FAM83F: variants seen among roughly 807,000 people sequenced by gnomAD.
FAM83F encodes scaffolding CK1 anchoring protein F.
Under a neutral mutation model 42.9 loss-of-function variants are expected in FAM83F, and 45 were observed. That is an observed-to-expected ratio of 1.05 (90% CI 0.83 to 1.35). The LOEUF (loss-of-function observed/expected upper bound fraction) is 1.35. Among genes scored for constraint, FAM83F ranks in the 40% most tolerant of loss-of-function variants. The pLI is 0.00. For synonymous variants in FAM83F, 306 were observed against 298.3 expected (o/e 1.03, Z -0.27); for missense variants, 617 against 695.9 (o/e 0.89, Z 1.28).
chr22:40,024,508 G>T (rs534312972), intron 4 of FAM83F, among the ~76,000 whole-genome samples: 1 of 152,348 alleles, frequency 6.6e-6, no homozygotes, highest in Non-Finnish European at 1.5e-5. Context: ...TGCAGGGAAA[G>T]TGTCCCCTTC....
chr22:39,995,225 C>A lies in FAM83F; in HGVS notation c.183C>A (p.Ser61Arg), dbSNP rs1394543944. 4 of 1,532,970 alleles carry A rather than the reference C, an allele frequency of 2.6e-6. No homozygotes were observed. The highest frequency in any genetic ancestry group is 3.5e-6 in the Non-Finnish European group (4 of 1,145,358). The allele number at this position is 1,532,970 out of a possible 1,614,324, so 95.0% of individuals were successfully genotyped here. A position where few individuals can be genotyped will look rare whatever the true frequency, so the allele number is the denominator to read the frequency against. ...KEEQLRDFLSSPERQALRAAW... is the reference protein window; with the variant it reads ...KEEQLRDFLSRPERQALRAAW... ...AGCAGCTGCGGGACTTCCTCTCCAG[C>A]CCGGAGCGCCAGGCCCTGCGGGCCG... The change falls in exon 1 of 5, where the codon AGC becomes AGA. Residue 61 changes from serine to arginine, a missense_variant. Physicochemically the swap from Ser to Arg is moderately radical, Grantham distance 110. Coordinates refer to ENST00000333407, the MANE Select transcript of FAM83F (RefSeq NM_138435.4). The surrounding 1 kb of genome is among the most constrained non-coding windows in gnomAD (Gnocchi z 4.6).
Position 40,034,937 on chromosome 22 carries a change from G to T in FAM83F, c.*5372G>T, listed in dbSNP as rs1259137294. On this transcript the variant is annotated 3_prime_UTR_variant, in exon 5 of 5. Transcript: ENST00000333407. The stretch of plus-strand genomic sequence containing the variant: ...CTAAGTGCATGGTCTTCATCTCCTG[G>T]GTGGTCCAGACTAGGTGGCACTGGG... 1 of 152,150 alleles carries T rather than the reference G, an allele frequency of 6.6e-6. No homozygotes were observed. The allele number at this position is 152,150 out of a possible 1,614,324, so 9.4% of individuals were successfully genotyped here. A position where few individuals can be genotyped will look rare whatever the true frequency, so the allele number is the denominator to read the frequency against.
At chr22:40,007,931 G>C (rs2067444669) in intron 1 of FAM83F, among the ~76,000 whole-genome samples, 1 of 152,164 alleles carries the variant, frequency 6.6e-6, no homozygotes, top group Admixed American at 6.5e-5. Context: ...GCACCTTTCT[G>C]TGCTCTGGTG....
At chr22:40,016,987 C>T (rs577662658) in intron 1 of FAM83F, among the ~76,000 whole-genome samples, 45 of 152,250 alleles carry the variant, frequency 3.0e-4, no homozygotes, top group Middle Eastern at 3.4e-3. Context: ...AAATGCCTCT[C>T]TGGGCCTGGT....
At position 40,041,204 on chromosome 22, in the gene FAM83F, C is replaced by T. The variant is rs1313108457; in HGVS notation, c.*11639C>T. On this transcript the variant is annotated 3_prime_UTR_variant, in exon 5 of 5. Coordinates refer to ENST00000333407, the MANE Select transcript of FAM83F (RefSeq NM_138435.4). ...ACCACATATAGAGCGCTAAGAATAGCACAGCGCTCCAAGAACATAGTGCAC... is the reference window on the plus strand; with the variant it reads ...ACCACATATAGAGCGCTAAGAATAGTACAGCGCTCCAAGAACATAGTGCAC... 2 of 152,196 alleles carry T rather than the reference C, an allele frequency of 1.3e-5. No individual in the cohort carries two copies. The highest frequency in any genetic ancestry group is 2.9e-5 in the Non-Finnish European group (2 of 68,032). The allele number at this position is 152,196 out of a possible 1,614,324, so 9.4% of individuals were successfully genotyped here.
intron 1 of FAM83F, among the ~76,000 whole-genome samples, chr22:40,004,309 T>C (rs1465801574): frequency 6.6e-6 from 1 of 151,144 alleles, no homozygotes; most frequent in Non-Finnish European, 1.5e-5. Context: ...TTTTATTTTA[T>C]TTTATTTTCT....
In FAM83F at chr22:40,021,323, C is replaced by A; in HGVS notation, c.813C>A (p.Asn271Lys). The A allele has an allele frequency of 4.5e-6, 7 of 1,565,744 alleles. No individual in the cohort carries two copies. The highest frequency in any genetic ancestry group is 1.7e-4 in the Middle Eastern group (1 of 5,834). ...FTWSSSHVDR[N>K]LLLLLTGQNV... is the part of the protein sequence containing the mutation. ...GGAGTTCCTCCCATGTGGACAGAAACCTCCTCCTGCTCCTGACAGGACAGA... is the reference window on the plus strand; with the variant it reads ...GGAGTTCCTCCCATGTGGACAGAAAACTCCTCCTGCTCCTGACAGGACAGA... The change falls in exon 4 of 5, where the codon AAC becomes AAA. Residue 271 changes from asparagine (N) to lysine (K), a missense_variant. Transcript: ENST00000333407. The surrounding 1 kb of genome is among the most constrained non-coding windows in gnomAD (Gnocchi z 8.7).
At chr22:40,022,990 T>C (rs2067530701) in intron 4 of FAM83F, among the ~76,000 whole-genome samples, 1 of 152,226 alleles carries the variant, frequency 6.6e-6, no homozygotes, top group Non-Finnish European at 1.5e-5. Context: ...CATTCTGTGC[T>C]CAGGAAATGT....
intron 4 of FAM83F, among the ~76,000 whole-genome samples, chr22:40,026,469 G>A (rs747476041): frequency 5.9e-5 from 9 of 152,044 alleles, no homozygotes; most frequent in Non-Finnish European, 8.8e-5. Context: ...GCAGTGAGTG[G>A]AGATCACACC....
At chr22:39,999,129 T>C (rs2067384842) in intron 1 of FAM83F, 1 of 152,224 alleles carries the variant, frequency 6.6e-6, no homozygotes, top group African/African-American at 2.4e-5. Context: ...AATAGCCTAA[T>C]CTTCTGCTGA....
At position 40,031,560 on chromosome 22, in the gene FAM83F, A is replaced by G. The variant is rs931538684; in HGVS notation, c.*1995A>G. The G allele has an allele frequency of 3.9e-5, 6 of 152,272 alleles. No homozygotes were observed. Among genetic ancestry groups the G allele is most frequent in the African/African-American group, 1.2e-4 (5 of 41,460 alleles). The allele number at this position is 152,272 out of a possible 1,614,324, so 9.4% of individuals were successfully genotyped here. ...TAATCTGGGAGGATCCCTGATTGGA[A>G]TCTCCAAGTCACCACAGCCTTGAGC... On this transcript the variant is annotated 3_prime_UTR_variant, in exon 5 of 5. Coordinates refer to ENST00000333407, the MANE Select transcript of FAM83F (RefSeq NM_138435.4).
Position 40,021,862 on chromosome 22 carries a change from CGGCGCCCAAT to C in FAM83F, c.1356_1365del (p.Pro453TrpfsTer15). On this transcript the variant is annotated frameshift_variant, in exon 4 of 5. Coordinates refer to ENST00000333407, the MANE Select transcript of FAM83F (RefSeq NM_138435.4). LOFTEE classifies it high-confidence loss of function. This position sits in a 1 kb window ranked among gnomAD's most constrained non-coding sequence, Gnocchi z 8.7. ...TTCAGTCGCCGAGCCAAGAGGCCTG[CGGCGCCCAAT>C]GGCATGGCCAGCTCTGTCTCCACCG... The C allele has an allele frequency of 6.2e-7, 1 of 1,611,968 alleles. No homozygotes were observed. Among genetic ancestry groups the C allele is most frequent in the South Asian group, 1.1e-5 (1 of 91,002 alleles).
At position 40,036,630 on chromosome 22, in the gene FAM83F, C is replaced by G. The variant is rs979436245; in HGVS notation, c.*7065C>G. 8 of 152,248 alleles carry G rather than the reference C, an allele frequency of 5.3e-5. No individual in the cohort carries two copies. Among genetic ancestry groups the G allele is most frequent in the Non-Finnish European group, 1.0e-4 (7 of 68,052 alleles). The allele number at this position is 152,248 out of a possible 1,614,324, so 9.4% of individuals were successfully genotyped here. A position where few individuals can be genotyped will look rare whatever the true frequency, so the allele number is the denominator to read the frequency against. ...TCTCCAGGCCATGGGGCTTCCCAAG[C>G]CAGGCCTGTACTCCTCATGTAGATT... On this transcript the variant is annotated 3_prime_UTR_variant, in exon 5 of 5. Coordinates refer to ENST00000333407, the MANE Select transcript of FAM83F (RefSeq NM_138435.4).
In FAM83F at chr22:40,030,866, AC is replaced by A. The variant is rs1309339628; in HGVS notation, c.*1304del. ...CATCCTCTTTCTTTCCTTCTAAAAA[AC>A]CCTAGGACACTACCAGCACCTGGGG... On this transcript the variant is annotated 3_prime_UTR_variant, in exon 5 of 5. Transcript: ENST00000333407. The A allele has an allele frequency of 6.6e-6, 1 of 152,054 alleles. No individual in the cohort carries two copies. The highest frequency in any genetic ancestry group is 6.6e-5 in the Admixed American group (1 of 15,248). The allele number at this position is 152,054 out of a possible 1,614,324, so 9.4% of individuals were successfully genotyped here. A position where few individuals can be genotyped will look rare whatever the true frequency, so the allele number is the denominator to read the frequency against.
intron 1 of FAM83F, among the ~76,000 whole-genome samples, chr22:40,000,193 A>G (rs1042161633): frequency 1.3e-5 from 2 of 152,132 alleles, no homozygotes; most frequent in Non-Finnish European, 2.9e-5. Context: ...CCTTTAATCT[A>G]CATCGTAACA....
chr22:40,024,469 G>A (rs181195633), intron 4 of FAM83F, among the ~76,000 whole-genome samples: 21 of 152,364 alleles, frequency 1.4e-4, no homozygotes, highest in African/African-American at 5.0e-4. Flanking sequence ...GAATCAGTGA[G>A]AACCTGAGCT....
At chr22:40,000,826 C>T (rs142263421) in intron 1 of FAM83F, among the ~76,000 whole-genome samples, 3 of 152,090 alleles carry the variant, frequency 2.0e-5, no homozygotes, top group African/African-American at 2.4e-5. Flanking sequence ...TCTAGAAGCT[C>T]GTAAGCTGCC....
chr22:40,015,058 A>G (rs1332622290), intron 1 of FAM83F, among the ~76,000 whole-genome samples: 1 of 152,186 alleles, frequency 6.6e-6, no homozygotes, highest in Non-Finnish European at 1.5e-5. Context: ...CTCCAGAGAA[A>G]CAGAACCAAC....
At chr22:40,001,381 A>C (rs1203701717) in intron 1 of FAM83F, among the ~76,000 whole-genome samples, 1 of 152,130 alleles carries the variant, frequency 6.6e-6, no homozygotes, top group Non-Finnish European at 1.5e-5. Context: ...ATGGCGGCTC[A>C]TGTCCCCAGC....
Sources: gnomAD v4.1 joint callset for allele counts (sites outside exome capture counted in the v4.1 genomes callset) on GRCh38, gnomAD v4.1.1 for gene constraint, Gnocchi (gnomAD v3.1) non-coding constraint, MANE v1.5 for transcripts, NCBI Gene and HGNC (gene_info 2026-07-23, HGNC 2026-07-21) for gene names.